Variants in SUFU observed in about 807,000 individuals in gnomAD.
The protein encoded by SUFU is SUFU negative regulator of hedgehog signaling.
A neutral mutation model predicts 58.9 loss-of-function variants in SUFU; 7 were observed. The observed-to-expected ratio is 0.12, with a 90% CI of 0.07 to 0.22. The LOEUF is 0.22. SUFU is among the 10% of genes least tolerant of loss of function. The probability of loss-of-function intolerance (pLI) is 1.00; values close to 1 mark genes in which losing one functional copy is unlikely to be tolerated. For missense variants in SUFU, 451 were observed against 641.3 expected, an observed-to-expected ratio of 0.70 and a Z score of 3.20; for synonymous variants, 232 against 254.8, an observed-to-expected ratio of 0.91 and a Z score of 0.85.
At chr10:102,548,266 T>C (rs2062874833) in intron 2 of SUFU, among the ~76,000 whole-genome samples, 1 of 152,230 alleles carries the variant, frequency 6.6e-6, no homozygotes, top group African/African-American at 2.4e-5. Context: ...TTGGAGAACT[T>C]AGCTTCTCAG....
intron 2 of SUFU, among the ~76,000 whole-genome samples, chr10:102,536,127 C>CCCGGTAATT (rs970173269): frequency 7.9e-5 from 12 of 151,942 alleles, no homozygotes; most frequent in African/African-American, 2.9e-4. Flanking sequence ...CACCAACACA[C>CCCGGTAATT]CCGGTAATTT....
intron 3 of SUFU, chr10:102,572,678 C>T (rs570869267): frequency 1.7e-6 from 1 of 603,122 alleles, no homozygotes; most frequent in South Asian, 1.6e-5. Context: ...GTGAGTGAGC[C>T]ACCATGCCCA....
At chr10:102,582,828 C>G (rs149911616) in intron 3 of SUFU, among the ~76,000 whole-genome samples, 6 of 152,134 alleles carry the variant, frequency 3.9e-5, no homozygotes, top group African/African-American at 1.4e-4. Context: ...AAAGTGTCTA[C>G]CCAGCCCTTA....
At chr10:102,527,099 G>T (rs1359461549) in intron 2 of SUFU, among the ~76,000 whole-genome samples, 1 of 147,002 alleles carries the variant, frequency 6.8e-6, no homozygotes, top group East Asian at 2.0e-4. Context: ...GCCTTCTGGT[G>T]TCATGCCATT....
At chr10:102,526,457 G>A (rs1275416756) in intron 2 of SUFU, among the ~76,000 whole-genome samples, 1 of 152,140 alleles carries the variant, frequency 6.6e-6, no homozygotes, top group Admixed American at 6.5e-5. Context: ...GGAGGCTGAG[G>A]TGGGAGGATC....
intron 3 of SUFU, among the ~76,000 whole-genome samples, chr10:102,571,912 C>T (rs1458814819): frequency 6.6e-6 from 1 of 152,160 alleles, no homozygotes; most frequent in East Asian, 1.9e-4. Flanking sequence ...TTCCAAGTTC[C>T]GTCAGGTTGT....
chr10:102,616,454 A>G (rs939833349), intron 9 of SUFU, among the ~76,000 whole-genome samples: 12 of 152,178 alleles, frequency 7.9e-5, no homozygotes, highest in Non-Finnish European at 1.6e-4. Context: ...GCAGACAGAG[A>G]GCAAATGGCC....
intron 2 of SUFU, among the ~76,000 whole-genome samples, chr10:102,545,139 T>C (rs2062841195): frequency 6.6e-6 from 1 of 151,762 alleles, no homozygotes; most frequent in African/African-American, 2.4e-5. Flanking sequence ...GACAAGGTCT[T>C]ACTCTGTCAC....
intron 2 of SUFU, among the ~76,000 whole-genome samples, chr10:102,543,648 T>C (rs1406270015): frequency 6.6e-6 from 1 of 152,214 alleles, no homozygotes; most frequent in East Asian, 1.9e-4. Context: ...ATTTGTCCAT[T>C]CTGGACATTT....
At chr10:102,517,518 G>T (rs1191734901) in intron 2 of SUFU, among the ~76,000 whole-genome samples, 1 of 152,170 alleles carries the variant, frequency 6.6e-6, no homozygotes, top group African/African-American at 2.4e-5. Flanking sequence ...AAGCTGTGCT[G>T]TTATCTATTT....
At chr10:102,547,827 G>A (rs536496159) in intron 2 of SUFU, among the ~76,000 whole-genome samples, 2 of 148,622 alleles carry the variant, frequency 1.3e-5, no homozygotes, top group East Asian at 1.9e-4. Flanking sequence ...AGAGAGAGGC[G>A]GGGGGGAGAG....
intron 3 of SUFU, chr10:102,579,845 C>T (rs1221076693): frequency 3.0e-6 from 3 of 985,352 alleles, no homozygotes; most frequent in Non-Finnish European, 1.2e-6. Flanking sequence ...GCATCCAGAA[C>T]TTTGAAAAGG....
intron 2 of SUFU, among the ~76,000 whole-genome samples, chr10:102,525,242 C>T (rs1008950027): frequency 6.6e-6 from 1 of 152,110 alleles, no homozygotes; most frequent in African/African-American, 2.4e-5. Context: ...TCCCAAGTAG[C>T]TGGGATTACA....
chr10:102,503,948 C>G, upstream of SUFU: 2 of 663,426 alleles, frequency 3.0e-6, no homozygotes, highest in Non-Finnish European at 4.6e-6. Flanking sequence ...CTTAGCGCCC[C>G]GCCGCCCCGA....
At chr10:102,502,851 G>A (rs1589968580), upstream of SUFU, 5 of 597,880 alleles carry the variant, frequency 8.4e-6, no homozygotes, top group East Asian at 1.4e-4. Flanking sequence ...GTTTAAGATT[G>A]GGAGTCGCAT....
intron 8 of SUFU, 83 bp from the exon 9 acceptor site, chr10:102,615,185 A>G (rs886204091): frequency 6.3e-7 from 1 of 1,589,156 alleles, no homozygotes; most frequent in African/African-American, 1.3e-5. Context: ...TTTATTACTC[A>G]GGAGCCCAGC....
chr10:102,627,592 T>C (rs2063797364), intron 11 of SUFU, among the ~76,000 whole-genome samples: 1 of 152,200 alleles, frequency 6.6e-6, no homozygotes, highest in African/African-American at 2.4e-5. Context: ...CCCCTGCTGT[T>C]CCCTGGCAGA....
At chr10:102,518,515 G>GTCTACCTATCTA (rs534274959) in intron 2 of SUFU, among the ~76,000 whole-genome samples, 2 of 114,226 alleles carry the variant, frequency 1.8e-5, no homozygotes, top group Middle Eastern at 8.0e-3. Context: ...CTGTCTGTCT[G>GTCTACCTATCTA]TCTGTCTATC....
At chr10:102,540,482 C>G (rs1164220635) in intron 2 of SUFU, among the ~76,000 whole-genome samples, 1 of 151,486 alleles carries the variant, frequency 6.6e-6, no homozygotes, top group African/African-American at 2.4e-5. Flanking sequence ...GAAACCCCGT[C>G]TCTACCAAAA....
Sources: gnomAD v4.1 joint callset for allele counts (sites outside exome capture counted in the v4.1 genomes callset) on GRCh38, gnomAD v4.1.1 for gene constraint, MANE v1.5 for transcripts, NCBI Gene and HGNC (gene_info 2026-07-23, HGNC 2026-07-21) for gene names.